CEP85L: variants seen among roughly 807,000 people sequenced by gnomAD.
CEP85L encodes the protein centrosomal protein 85L, also known as centrosomal protein of 85 kDa-like.
In CEP85L, 60 loss-of-function variants were observed where a neutral mutation model predicts 100.3. That is an observed-to-expected ratio of 0.60 (90% CI 0.49 to 0.74). The LOEUF is 0.74. Among genes scored for constraint, CEP85L ranks in the 30% least tolerant of loss-of-function variants. The pLI is 0.00. For synonymous variants in CEP85L, 319 were observed against 322.7 expected, an observed-to-expected ratio of 0.99 and a Z score of 0.12; for missense variants, 973 against 936.2, an observed-to-expected ratio of 1.04 and a Z score of -0.51.
chr6:118,660,293 C>A (rs1775930066), intron 1 of CEP85L, among the ~76,000 whole-genome samples: 1 of 152,220 alleles, frequency 6.6e-6, no homozygotes, highest in South Asian at 2.1e-4. Context: ...AGGTGGCTGC[C>A]AGCCTCCCTG....
intron 3 of CEP85L, among the ~76,000 whole-genome samples, chr6:118,553,493 A>G (rs17080321): frequency 0.011 from 1,693 of 152,318 alleles, 42 homozygotes; most frequent in African/African-American, 0.039. Context: ...ACTGTAAAAA[A>G]TTGAGCCCAA....
At chr6:118,680,237 G>C in intron 1 of CEP85L, among the ~76,000 whole-genome samples, 1 of 145,674 alleles carries the variant, frequency 6.9e-6, no homozygotes, top group Non-Finnish European at 1.5e-5. Context: ...AAGTTGCAGT[G>C]AGCCCTGGTC....
rs1162404506 is a variant in CEP85L, at chr6:118,464,148, AAC to A, written c.*1255_*1256del. On this transcript the variant is annotated 3_prime_UTR_variant, in exon 13 of 13. Coordinates refer to ENST00000368491, the MANE Select transcript of CEP85L (RefSeq NM_001042475.3). ...CGCCAAAACTAAGTATATTCAAAAG[AAC>A]ATAATCAATGCTGAAGGCAATAAAA... 2 of 152,218 alleles carry A rather than the reference AAC, an allele frequency of 1.3e-5. No individual in the cohort carries two copies. Among genetic ancestry groups the A allele is most frequent in the Admixed American group, 1.3e-4 (2 of 15,276 alleles). The allele number at this position is 152,218 out of a possible 1,614,324, so 9.4% of individuals were successfully genotyped here.
chr6:118,680,452 G>A (rs1776621438), intron 1 of CEP85L, among the ~76,000 whole-genome samples: 1 of 151,316 alleles, frequency 6.6e-6, no homozygotes, highest in Non-Finnish European at 1.5e-5. Context: ...TATCATTTTA[G>A]TTTATGCATC....
intron 1 of CEP85L, among the ~76,000 whole-genome samples, chr6:118,698,140 C>T (rs182749041): frequency 1.3e-5 from 2 of 152,162 alleles, no homozygotes; most frequent in South Asian, 2.1e-4. Context: ...GAAGGGCACA[C>T]AAAATGAGAC....
At chr6:118,530,643 T>C (rs537384009) in intron 3 of CEP85L, among the ~76,000 whole-genome samples, 13 of 152,290 alleles carry the variant, frequency 8.5e-5, no homozygotes, top group African/African-American at 2.9e-4. Flanking sequence ...CCAAAAGTTA[T>C]TTGATCTGAT....
At chr6:118,594,720 G>T (rs1360697252) in intron 2 of CEP85L, among the ~76,000 whole-genome samples, 2 of 151,692 alleles carry the variant, frequency 1.3e-5, no homozygotes, top group East Asian at 1.9e-4. Flanking sequence ...GCCGGGTGTG[G>T]TGGCAGGCGC....
chr6:118,694,752 G>GA (rs1375613942), intron 1 of CEP85L, among the ~76,000 whole-genome samples: 1 of 151,908 alleles, frequency 6.6e-6, no homozygotes, highest in Non-Finnish European at 1.5e-5. Context: ...ACATGATACA[G>GA]AAAAAAAAGT....
At chr6:118,510,792 C>T (rs1582943797) in intron 5 of CEP85L, among the ~76,000 whole-genome samples, 3 of 151,974 alleles carry the variant, frequency 2.0e-5, no homozygotes, top group East Asian at 1.9e-4. Context: ...TACAATAACC[C>T]TAAACTGAAA....
At chr6:118,498,076 G>T (rs1208509590) in intron 5 of CEP85L, among the ~76,000 whole-genome samples, 1 of 152,168 alleles carries the variant, frequency 6.6e-6, no homozygotes, top group Non-Finnish European at 1.5e-5. Context: ...GTGGTGTAGG[G>T]TTACTTGACA....
chr6:118,528,016 G>A (rs1385266479), intron 3 of CEP85L, among the ~76,000 whole-genome samples: 3 of 152,052 alleles, frequency 2.0e-5, no homozygotes, highest in African/African-American at 7.2e-5. Flanking sequence ...CACACCAGCA[G>A]TCATCCACAC....
chr6:118,697,022 C>T (rs903125885), intron 1 of CEP85L, among the ~76,000 whole-genome samples: 1 of 152,130 alleles, frequency 6.6e-6, no homozygotes, highest in Non-Finnish European at 1.5e-5. Context: ...TAAAGAAACT[C>T]CCATTGAACT....
At chr6:118,665,653 C>T (rs1562348724) in intron 1 of CEP85L, among the ~76,000 whole-genome samples, 1 of 152,120 alleles carries the variant, frequency 6.6e-6, no homozygotes, top group Non-Finnish European at 1.5e-5. Flanking sequence ...GCCATTGCGC[C>T]GGGCCACATC....
intron 3 of CEP85L, among the ~76,000 whole-genome samples, chr6:118,537,055 A>C (rs1447891650): frequency 6.6e-6 from 1 of 152,172 alleles, no homozygotes; most frequent in Non-Finnish European, 1.5e-5. Flanking sequence ...TGATAGAAAA[A>C]CATGTATCAA....
intron 2 of CEP85L, among the ~76,000 whole-genome samples, chr6:118,616,544 A>G (rs1442072170): frequency 1.3e-5 from 2 of 151,872 alleles, no homozygotes; most frequent in African/African-American, 4.8e-5. Flanking sequence ...ACAATGAAAA[A>G]AAAAAAACAG....
intron 2 of CEP85L, among the ~76,000 whole-genome samples, chr6:118,632,108 G>C (rs1382311105): frequency 6.6e-6 from 1 of 152,096 alleles, no homozygotes; most frequent in Non-Finnish European, 1.5e-5. Context: ...TCGTGCCTCA[G>C]CCTCTCAAGT....
intron 1 of CEP85L, among the ~76,000 whole-genome samples, chr6:118,648,292 T>C (rs1298855174): frequency 6.6e-6 from 1 of 152,076 alleles, no homozygotes; most frequent in African/African-American, 2.4e-5. Flanking sequence ...ATTTTTGGTT[T>C]ATAACAGTTA....
intron 5 of CEP85L, chr6:118,501,814 GAGA>G: frequency 1.0e-6 from 1 of 962,372 alleles, no homozygotes; most frequent in Non-Finnish European, 1.5e-6. Context: ...CTGGCTGAGA[GAGA>G]GAGAGAGAGA....
chr6:118,589,348 G>A (rs1002309377), intron 2 of CEP85L: 3 of 245,588 alleles, frequency 1.2e-5, no homozygotes, highest in Non-Finnish European at 2.7e-5. Flanking sequence ...GCAGGAATCA[G>A]GATGAATATC....
Sources: allele counts gnomAD v4.1 joint callset (sites outside exome capture counted in the v4.1 genomes callset), GRCh38; gene constraint gnomAD v4.1.1; transcripts MANE v1.5; gene names NCBI Gene and HGNC (gene_info 2026-07-23, HGNC 2026-07-21).